Variants in CATSPERB observed in about 807,000 individuals in gnomAD.
The protein encoded by CATSPERB is catsper channel auxiliary subunit beta, also known as cation channel sperm-associated auxiliary subunit beta.
CATSPERB carries 93 observed loss-of-function variants against 128.3 expected under a neutral mutation model. The observed-to-expected ratio is 0.72, with a 90% confidence interval of 0.61 to 0.86. The LOEUF is 0.86. CATSPERB is among the 40% of genes least tolerant of loss of function. The probability of loss-of-function intolerance (pLI) is 0.00; values close to 1 mark genes in which losing one functional copy is unlikely to be tolerated. For missense variants in CATSPERB, 1,153 were observed against 1,329.5 expected, an observed-to-expected ratio of 0.87 and a Z score of 2.06; for synonymous variants, 381 against 448.8, an observed-to-expected ratio of 0.85 and a Z score of 1.91.
intron 15 of CATSPERB, among the ~76,000 whole-genome samples, chr14:91,647,737 T>C (rs1894631079): frequency 6.6e-6 from 1 of 152,116 alleles, no homozygotes; most frequent in African/African-American, 2.4e-5. Context: ...ATGATTAAAT[T>C]ACCTCCTACC....
intron 24 of CATSPERB, 21 bp from the exon 25 acceptor site, chr14:91,588,099 T>C (rs746183513): frequency 1.1e-5 from 16 of 1,440,420 alleles, no homozygotes; most frequent in African/African-American, 1.4e-5. Context: ...ATAAAACATA[T>C]TTTAAGCACA....
chr14:91,650,679 T>A (rs1193441290), intron 15 of CATSPERB, among the ~76,000 whole-genome samples: 2 of 114,934 alleles, frequency 1.7e-5, no homozygotes, highest in African/African-American at 7.1e-5. Flanking sequence ...TTCTTTCTGT[T>A]TTTTGTATTT....
intron 22 of CATSPERB, among the ~76,000 whole-genome samples, chr14:91,600,808 C>A (rs187172469): frequency 1.1e-4 from 16 of 152,228 alleles, no homozygotes; most frequent in African/African-American, 3.6e-4. Context: ...TGGCTGGTGC[C>A]TCCCAGAGTA....
chr14:91,603,195 C>G, intron 22 of CATSPERB: 2 of 805,344 alleles, frequency 2.5e-6, no homozygotes, highest in Admixed American at 3.4e-5. Context: ...TGTCTTTCTT[C>G]ATGAGGGTGT....
At chr14:91,636,256 T>A (rs1004616449) in intron 17 of CATSPERB, 169 bp downstream of exon 17, 1 of 593,538 alleles carries the variant, frequency 1.7e-6, no homozygotes, top group Non-Finnish European at 2.9e-6. Context: ...CCAGCTATTC[T>A]GGAGGCTGGG....
chr14:91,627,910 C>T (rs61988710), intron 17 of CATSPERB, among the ~76,000 whole-genome samples: 8,576 of 152,114 alleles, frequency 0.056, 306 homozygotes, highest in Middle Eastern at 0.18. Context: ...CCCAGGAGTT[C>T]GAGGCTGCAG....
intron 15 of CATSPERB, among the ~76,000 whole-genome samples, chr14:91,640,814 C>T (rs939901294): frequency 4.6e-5 from 6 of 131,504 alleles, no homozygotes; most frequent in African/African-American, 1.8e-4. Flanking sequence ...CCTGAGGAAT[C>T]GCCACACTGA....
intron 18 of CATSPERB, among the ~76,000 whole-genome samples, chr14:91,624,280 G>C (rs376750856): frequency 1.5e-4 from 23 of 152,336 alleles, no homozygotes; most frequent in East Asian, 1.2e-3. Context: ...TCAGGAGTTC[G>C]AGAGCAGCCT....
chr14:91,720,595 T>A (rs1182997315), intron 4 of CATSPERB, among the ~76,000 whole-genome samples: 1 of 151,896 alleles, frequency 6.6e-6, no homozygotes, highest in Non-Finnish European at 1.5e-5. Flanking sequence ...TCTAAATAAA[T>A]GGAGAGACAT....
chr14:91,605,659 C>T (rs560717246), intron 22 of CATSPERB, among the ~76,000 whole-genome samples: 52 of 152,316 alleles, frequency 3.4e-4, no homozygotes, highest in African/African-American at 9.9e-4. Context: ...GACACTGAGC[C>T]TTTCCCCATC....
At position 91,712,390 on chromosome 14, in the gene CATSPERB, A is replaced by G. The variant is rs117714819; in HGVS notation, c.371-4154T>C. ...TAAATGTGAGCTATGCATAGATTTT[A>G]AAAAGATTAATAAAAACAAGTAAGA... On this transcript the variant is annotated intron_variant, in intron 5 of 26. Transcript: ENST00000256343. Among the ~76,000 whole-genome samples the G allele has an allele frequency of 8.8e-3, 1,339 of 152,338 alleles. 7 individuals are homozygous for G. Among genetic ancestry groups the G allele is most frequent in the Middle Eastern group, 0.054 (16 of 294 alleles).
At chr14:91,715,387 C>T (rs1358819835) in intron 5 of CATSPERB, among the ~76,000 whole-genome samples, 1 of 151,556 alleles carries the variant, frequency 6.6e-6, no homozygotes, top group Non-Finnish European at 1.5e-5. Context: ...CATGGCGAAA[C>T]CCCGTCTCTA....
chr14:91,596,766 C>T (rs1208326355), intron 22 of CATSPERB, among the ~76,000 whole-genome samples: 1 of 152,092 alleles, frequency 6.6e-6, no homozygotes, highest in Non-Finnish European at 1.5e-5. Context: ...GAAAACCAAA[C>T]ACCATTTCAT....
chr14:91,655,196 G>C (rs1427812048), intron 15 of CATSPERB, among the ~76,000 whole-genome samples: 1 of 152,206 alleles, frequency 6.6e-6, no homozygotes, highest in Non-Finnish European at 1.5e-5. Flanking sequence ...TACTTGGAAA[G>C]CTTTCCCAAG....
In CATSPERB at chr14:91,636,507, A is replaced by G. The variant is rs745316827; in HGVS notation, c.1660T>C (p.Tyr554His). Residue 554 changes from tyrosine (Y) to histidine (H), a missense_variant, in exon 17 of 27, where the codon TAT becomes CAT. Transcript: ENST00000256343. ...TSLDEIIFFAYVPENEPQETI... is the reference protein window; with the variant it reads ...TSLDEIIFFAHVPENEPQETI... ...TCCTGGGGTTCGTTCTCAGGTACAT[A>G]TGCAAAAAAGATAATTTCATCTAAG... is the stretch of plus-strand genomic sequence containing the variant. The G allele has an allele frequency of 1.2e-6, 2 of 1,614,088 alleles. No individual in the cohort carries two copies. Among genetic ancestry groups the G allele is most frequent in the Admixed American group, 3.3e-5 (2 of 60,008 alleles).
At chr14:91,624,244 C>T (rs374010325) in intron 18 of CATSPERB, among the ~76,000 whole-genome samples, 2 of 152,040 alleles carry the variant, frequency 1.3e-5, no homozygotes, top group Non-Finnish European at 1.5e-5. Flanking sequence ...CACTTTGAGA[C>T]GCTGAGGTGG....
At chr14:91,633,663 C>T (rs771160805) in intron 17 of CATSPERB, among the ~76,000 whole-genome samples, 12 of 151,822 alleles carry the variant, frequency 7.9e-5, no homozygotes, top group East Asian at 5.8e-4. Context: ...TAATTTACAA[C>T]GTTAAATAAA....
At position 91,636,505 on chromosome 14, in the gene CATSPERB, A is replaced by C. The variant is rs780871686; in HGVS notation, c.1662T>G (p.Tyr554Ter). The stretch of plus-strand genomic sequence containing the variant: ...TTTCCTGGGGTTCGTTCTCAGGTAC[A>C]TATGCAAAAAAGATAATTTCATCTA... The part of the protein sequence containing the change: ...TSLDEIIFFA[Y>*]VPENEPQETI... The change falls in exon 17 of 27, where the codon TAT becomes TAG. Residue 554 changes from tyrosine to a stop codon, truncating the protein, a stop_gained. Transcript: ENST00000256343. LOFTEE classifies it high-confidence loss of function. 6.2e-7 allele frequency: 1 copy of C among 1,613,974 alleles called. No individual in the cohort carries two copies.
In CATSPERB at chr14:91,636,226, G is replaced by A. The variant is rs1595157601; in HGVS notation, c.1742+199C>T. ...AAAAATACAAAACTTAGCCGGGCTT[G>A]GTGGTGTGTGCCTGCAGTCCCAGCT... On this transcript the variant is annotated intron_variant, in intron 17 of 26. Transcript: ENST00000256343. 14 of 513,456 alleles carry A rather than the reference G, an allele frequency of 2.7e-5. No homozygotes were observed. The East Asian group carries it at 4.1e-4, about 15-fold the overall frequency. 31.8% of individuals were successfully genotyped at this position (513,456 alleles called of 1,614,324 possible). A position where few individuals can be genotyped will look rare whatever the true frequency, so the allele number is the denominator to read the frequency against.
Sources: gnomAD v4.1 joint callset for allele counts (sites outside exome capture counted in the v4.1 genomes callset) on GRCh38, gnomAD v4.1.1 for gene constraint, MANE v1.5 for transcripts, NCBI Gene and HGNC (gene_info 2026-07-23, HGNC 2026-07-21) for gene names.